AVEN: variants seen among roughly 807,000 people sequenced by gnomAD.
AVEN encodes cell death regulator Aven.
In AVEN, 41 loss-of-function variants were observed where a neutral mutation model predicts 38.1. That is an observed-to-expected ratio of 1.08 (90% CI 0.84 to 1.40). AVEN has a LOEUF of 1.40. AVEN is among the 40% of genes most tolerant of loss of function. The pLI, the probability that AVEN is intolerant of heterozygous loss-of-function variation, is 0.00. For missense variants in AVEN, 605 were observed against 438.8 expected (o/e 1.38, Z -3.38); for synonymous variants, 206 against 171.8 (o/e 1.20, Z -1.56).
chr15:33,898,523 T>C (rs117572235), intron 2 of AVEN, among the ~76,000 whole-genome samples: 2,516 of 152,288 alleles, frequency 0.017, 28 homozygotes, highest in Middle Eastern at 0.037. Flanking sequence ...TTCCAGTTTG[T>C]AGTTGCATCA....
At position 33,866,396 on chromosome 15, in the gene AVEN, C is replaced by CTAT. The variant is rs1159439505; in HGVS notation, c.*214_*216dup. On this transcript the variant is annotated 3_prime_UTR_variant, in exon 6 of 6. Coordinates refer to ENST00000306730, the MANE Select transcript of AVEN (RefSeq NM_020371.3). ...GTCTATCTCCTGCCCTTAAGGAAAT[C>CTAT]TATTAGATTACTAAGCCAGAAAAAC... 4.2e-5 allele frequency: 24 copies of CTAT among 573,940 alleles called. No homozygotes were observed. In the East Asian group the frequency reaches 6.9e-4, roughly 17 times the overall value. The allele number at this position is 573,940 out of a possible 1,614,324, so 35.6% of individuals were successfully genotyped here.
chr15:34,020,623 T>C (rs909278276), intron 1 of AVEN, among the ~76,000 whole-genome samples: 1 of 152,220 alleles, frequency 6.6e-6, no homozygotes, highest in African/African-American at 2.4e-5. Context: ...TGCTCTGACT[T>C]ACAGATGGGC....
chr15:34,007,816 A>C (rs903169973), intron 1 of AVEN, among the ~76,000 whole-genome samples: 2 of 152,186 alleles, frequency 1.3e-5, no homozygotes, highest in African/African-American at 4.8e-5. Context: ...GGAAGTTCTG[A>C]GGGAGAATCT....
intron 2 of AVEN, among the ~76,000 whole-genome samples, chr15:33,928,984 C>T (rs141408767): frequency 0.011 from 1,656 of 152,184 alleles, 29 homozygotes; most frequent in African/African-American, 0.038. Flanking sequence ...AAGGTAGTAC[C>T]CATCTAATCA....
At chr15:33,995,948 T>C (rs7177293) in intron 2 of AVEN, among the ~76,000 whole-genome samples, 45,683 of 152,148 alleles carry the variant, frequency 0.3, 8,882 homozygotes, top group African/African-American at 0.55. Flanking sequence ...CATGACAGAC[T>C]GTACCTGGAA....
rs538024048 is a variant in AVEN at position 34,057,981 on chromosome 15, T to G, written n.1637+4941A>C. Among the ~76,000 whole-genome samples, 3 of 152,300 alleles carry G rather than the reference T, an allele frequency of 2.0e-5. No individual in the cohort carries two copies. In the South Asian group the frequency reaches 6.2e-4, roughly 32 times the overall value. ...GAGATTTATTTTTATTTTAAAGGAC[T>G]GGGTCACATGATTGTAGGGGCTAGC... is the stretch of plus-strand genomic sequence containing the variant. On this transcript the variant is annotated intron_variant and non_coding_transcript_variant, in intron 5 of 11. Coordinates refer to the AVEN transcript ENST00000675287.
chr15:33,992,544 A>T (rs1165116395), intron 2 of AVEN, among the ~76,000 whole-genome samples: 7 of 152,180 alleles, frequency 4.6e-5, no homozygotes, highest in African/African-American at 1.7e-4. Flanking sequence ...AAATTTTTTA[A>T]TTTATAGTTC....
intron 2 of AVEN, among the ~76,000 whole-genome samples, chr15:33,985,012 C>A (rs933630479): frequency 3.9e-5 from 6 of 152,080 alleles, no homozygotes; most frequent in African/African-American, 1.4e-4. Context: ...ACCAGCTGAA[C>A]CTTTCCTGGG....
At chr15:34,017,314 C>A (rs1897961661) in intron 1 of AVEN, among the ~76,000 whole-genome samples, 1 of 152,072 alleles carries the variant, frequency 6.6e-6, no homozygotes, top group African/African-American at 2.4e-5. Flanking sequence ...GCATGGAGAT[C>A]TCATCCCTGT....
intron 4 of AVEN, chr15:34,064,627 G>A: frequency 3.0e-6 from 1 of 335,432 alleles, no homozygotes; most frequent in East Asian, 6.2e-5. Flanking sequence ...CAGTGACTCA[G>A]GGAACTTATG....
intron 1 of AVEN, among the ~76,000 whole-genome samples, chr15:34,014,944 A>T (rs919619276): frequency 6.6e-6 from 1 of 152,300 alleles, no homozygotes. Flanking sequence ...GGTCAGATAC[A>T]GGGGGTGAGG....
intron 2 of AVEN, among the ~76,000 whole-genome samples, chr15:33,886,119 G>A (rs557156430): frequency 3.0e-4 from 46 of 152,214 alleles, no homozygotes; most frequent in Middle Eastern, 6.8e-3. Flanking sequence ...GTATATCACG[G>A]CCCAAACAAG....
intron 2 of AVEN, among the ~76,000 whole-genome samples, chr15:33,909,348 C>G (rs1892833440): frequency 6.6e-6 from 1 of 152,022 alleles, no homozygotes; most frequent in Non-Finnish European, 1.5e-5. Flanking sequence ...ACAAAAAAAC[C>G]TAAGAGTTCT....
At chr15:33,936,657 A>G (rs866847382) in intron 2 of AVEN, among the ~76,000 whole-genome samples, 3 of 152,296 alleles carry the variant, frequency 2.0e-5, no homozygotes, top group African/African-American at 7.2e-5. Flanking sequence ...TGCATGAGTG[A>G]TTTAATCAAC....
At chr15:33,865,232 A>G (rs200805654), downstream of AVEN, 114 of 1,607,992 alleles carry the variant, frequency 7.1e-5, no homozygotes, top group African/African-American at 9.4e-5. Flanking sequence ...GATAAATCTG[A>G]ATCAAAGAAG....
At chr15:33,937,195 C>G (rs893802042) in intron 2 of AVEN, among the ~76,000 whole-genome samples, 1 of 148,218 alleles carries the variant, frequency 6.7e-6, no homozygotes, top group African/African-American at 2.5e-5. Context: ...GGGAAAAAGA[C>G]AGCTGATTCA....
chr15:33,875,460 T>A (rs1242894883), intron 3 of AVEN, among the ~76,000 whole-genome samples: 1 of 152,156 alleles, frequency 6.6e-6, no homozygotes, highest in Non-Finnish European at 1.5e-5. Flanking sequence ...CTGAAAGACT[T>A]CTATAATATT....
chr15:33,858,251 C>G (rs748921132), downstream of AVEN: 55 of 234,672 alleles, frequency 2.3e-4, no homozygotes, highest in Non-Finnish European at 3.6e-4. Flanking sequence ...GTCGCCCAGG[C>G]TGGAGTGCAA....
downstream of AVEN, chr15:33,854,825 C>T (rs772002366): frequency 4.3e-6 from 7 of 1,613,916 alleles, no homozygotes; most frequent in East Asian, 1.3e-4. Flanking sequence ...ACAATAACTT[C>T]TTCTTTGCTG....
Sources: gnomAD v4.1 joint callset for allele counts (sites outside exome capture counted in the v4.1 genomes callset) on GRCh38, gnomAD v4.1.1 for gene constraint, MANE v1.5 for transcripts, NCBI Gene and HGNC (gene_info 2026-07-23, HGNC 2026-07-21) for gene names.